CD163L1: variants seen among roughly 807,000 people sequenced by gnomAD.
CD163L1 encodes the protein scavenger receptor cysteine-rich type 1 protein M160.
In CD163L1, 124 loss-of-function variants were observed where a neutral mutation model predicts 165.4. The observed-to-expected ratio is 0.75, with a 90% CI of 0.65 to 0.87. The LOEUF (loss-of-function observed/expected upper bound fraction) is 0.87. CD163L1 is among the 40% of genes least tolerant of loss of function. The probability of loss-of-function intolerance (pLI) is 0.00; values close to 1 mark genes in which losing one functional copy is unlikely to be tolerated. For synonymous variants in CD163L1, 585 were observed against 662.2 expected, an observed-to-expected ratio of 0.88 and a Z score of 1.79; for missense variants, 1,525 against 1,799.9, an observed-to-expected ratio of 0.85 and a Z score of 2.76.
At chr12:7,394,109 A>C in intron 8 of CD163L1, among the ~76,000 whole-genome samples, 1 of 144,652 alleles carries the variant, frequency 6.9e-6, no homozygotes, top group East Asian at 2.0e-4. Context: ...ACAAAAACAA[A>C]AAAACAAAAA....
intron 4 of CD163L1, among the ~76,000 whole-genome samples, chr12:7,410,590 C>A (rs1157026311): frequency 6.9e-6 from 1 of 144,212 alleles, no homozygotes; most frequent in Non-Finnish European, 1.5e-5. Flanking sequence ...AGTGACAGAG[C>A]GAGAGTCCAT....
intron 4 of CD163L1, among the ~76,000 whole-genome samples, chr12:7,421,931 C>T (rs905174269): frequency 3.3e-5 from 5 of 151,884 alleles, no homozygotes; most frequent in African/African-American, 1.2e-4. Context: ...CCACAGTGCT[C>T]GAGCTCTGCT....
At chr12:7,361,349 G>A (rs554656463) in intron 18 of CD163L1, among the ~76,000 whole-genome samples, 2 of 152,014 alleles carry the variant, frequency 1.3e-5, no homozygotes, top group Non-Finnish European at 2.9e-5. Context: ...AAAATAAATG[G>A]GTTATCTCAC....
chr12:7,323,698 C>T, the CD163L1 span: 2 of 732,956 alleles, frequency 2.7e-6, no homozygotes, highest in East Asian at 2.7e-5. Context: ...TCATCTGTCA[C>T]CCAAGAGTAC....
intron 2 of CD163L1, chr12:7,438,925 T>C (rs1948776113): frequency 6.2e-7 from 1 of 1,604,344 alleles, no homozygotes; most frequent in Admixed American, 1.7e-5. Flanking sequence ...TAGGCACAGT[T>C]TTCTTCTCTA....
At chr12:7,439,945 A>T in intron 2 of CD163L1, 8 of 1,581,932 alleles carry the variant, frequency 5.1e-6, no homozygotes, top group Non-Finnish European at 6.9e-6. Flanking sequence ...GGCAGCTGAC[A>T]CAGGGGCTGC....
chr12:7,406,588 G>T lies in CD163L1; in HGVS notation c.1031C>A (p.Ser344Tyr). The part of the protein sequence containing the change: ...NESFLWDCRH[S>Y]GTVNFDCLHQ... ...AAGACAGTCAAAATTGACGGTTCCGGAATGTCTGCAGTCCCAAAGAAAAGA... is the reference window on the plus strand; with the variant it reads ...AAGACAGTCAAAATTGACGGTTCCGTAATGTCTGCAGTCCCAAAGAAAAGA... Residue 344 changes from serine to tyrosine, a missense_variant, in exon 5 of 20, where the codon TCC becomes TAC. Physicochemically the swap from Ser to Tyr is moderately radical, Grantham distance 144. Transcript: ENST00000313599. 6.2e-7 allele frequency: 1 copy of T among 1,614,034 alleles called. No homozygotes were observed. Among genetic ancestry groups the T allele is most frequent in the African/African-American group, 1.3e-5 (1 of 75,016 alleles).
the CD163L1 span, chr12:7,323,497 A>G: frequency 1.9e-6 from 3 of 1,613,934 alleles, no homozygotes; most frequent in Admixed American, 5.0e-5. Flanking sequence ...CACCTGGCAA[A>G]GAAGGGGAAA....
the CD163L1 span, among the ~76,000 whole-genome samples, chr12:7,339,428 CTG>C: frequency 1.3e-5 from 2 of 152,120 alleles, no homozygotes; most frequent in Non-Finnish European, 2.9e-5. Context: ...CTGCATAACA[CTG>C]TGCATAAGGA....
chr12:7,381,215 T>C (rs1353316940), intron 8 of CD163L1, among the ~76,000 whole-genome samples: 1 of 152,138 alleles, frequency 6.6e-6, no homozygotes, highest in Non-Finnish European at 1.5e-5. Context: ...TGTCAGAAAA[T>C]CAACTCTGAC....
chr12:7,340,839 C>G, the CD163L1 span, among the ~76,000 whole-genome samples: 1 of 152,208 alleles, frequency 6.6e-6, no homozygotes, highest in Non-Finnish European at 1.5e-5. Flanking sequence ...CTCTCTTATA[C>G]GTCAACTTCC....
Position 7,432,546 on chromosome 12 carries a change from A to G in CD163L1, c.636T>C (p.Ala212=), listed in dbSNP as rs1948647437. 2 of 1,614,120 alleles carry G rather than the reference A, an allele frequency of 1.2e-6. No homozygotes were observed. Among genetic ancestry groups the G allele is most frequent in the South Asian group, 1.1e-5 (1 of 91,092 alleles). The change falls in exon 4 of 20, where the codon GCT becomes GCC. Residue 212 remains alanine, a synonymous_variant. Transcript: ENST00000313599. This position sits in a 1 kb window ranked among gnomAD's most constrained non-coding sequence, Gnocchi z 4.2. ...CATCCAGCCAAATGGGGCGCAATAC[A>G]GCAGGGCTATTAACAACTCCAGAAG... The part of the protein sequence containing the change: ...FISSGVVNSP[A]VLRPIWLDDI...
Position 7,433,391 on chromosome 12 carries a change from A to G in CD163L1, c.428T>C (p.Val143Ala). The G allele has an allele frequency of 6.3e-7, 1 of 1,594,636 alleles. No individual in the cohort carries two copies. The highest frequency in any genetic ancestry group is 1.2e-5 in the South Asian group (1 of 85,926). Residue 143 changes from valine (V) to alanine (A), a missense_variant, in exon 3 of 20, where the codon GTT (valine) becomes GCT (alanine). Transcript: ENST00000313599. The stretch of plus-strand genomic sequence containing the variant: ...ACTCTTACCATAACAGTTCACACCA[A>G]CATCTTCTCCATGATAACAGTTATG... ...GSHNCYHGEDVGVNCYGEANL... is the reference protein window; with the variant it reads ...GSHNCYHGEDAGVNCYGEANL...
intron 2 of CD163L1, among the ~76,000 whole-genome samples, chr12:7,440,281 G>A (rs890056799): frequency 6.6e-6 from 1 of 151,796 alleles, no homozygotes; most frequent in African/African-American, 2.4e-5. Context: ...CCCTGCGACG[G>A]GGAGGGCGGA....
rs996787056 is a variant in CD163L1, at chr12:7,369,034, C to A, written c.4040-69G>T. ...GAACTGGGTATTTCTTTTTACATCT[C>A]CTGCGATTATCGGATGTCATTTAAA... On this transcript the variant is annotated intron_variant, in intron 15 of 19. Transcript: ENST00000313599. The surrounding 1 kb of genome is among the most constrained non-coding windows in gnomAD (Gnocchi z 4.9). 3 of 1,493,154 alleles carry A rather than the reference C, an allele frequency of 2.0e-6. No individual in the cohort carries two copies. The African/African-American group carries it at 4.1e-5, about 21-fold the overall frequency. The allele number at this position is 1,493,154 out of a possible 1,614,324, so 92.5% of individuals were successfully genotyped here.
chr12:7,428,463 C>T lies in CD163L1; in HGVS notation c.766+3953G>A, dbSNP rs142724557. On this transcript the variant is annotated intron_variant, in intron 4 of 19. Transcript: ENST00000313599. ...ATCAGTCATTGTGTCTAGTACACAA[C>T]AAGAAAAAGCCCTAGAAAAATCACC... is the stretch of plus-strand genomic sequence containing the variant. Among the ~76,000 whole-genome samples, 450 of 152,078 alleles carry T rather than the reference C, an allele frequency of 3.0e-3. 3 individuals are homozygous for T. The highest frequency in any genetic ancestry group is 0.011 in the African/African-American group (438 of 41,526).
the CD163L1 span, among the ~76,000 whole-genome samples, chr12:7,334,097 TC>T: frequency 6.7e-6 from 1 of 149,156 alleles, no homozygotes; most frequent in African/African-American, 2.5e-5. Context: ...CTGAAACTAT[TC>T]CAATCAATAG....
rs1686751227 is a variant in CD163L1 at position 7,398,013 on chromosome 12, G to A, written c.1729+251C>T. On this transcript the variant is annotated intron_variant, in intron 7 of 19. Transcript: ENST00000313599. The surrounding 1 kb of genome is among the most constrained non-coding windows in gnomAD (Gnocchi z 4.5). Reference sequence around the variant, plus strand: ...TGGCCTACACTTAATGAAGTTAAAAGGCCAAACTGCTTCTGTATATGGTAG... The same window carrying A: ...TGGCCTACACTTAATGAAGTTAAAAAGCCAAACTGCTTCTGTATATGGTAG... 6.6e-6 allele frequency among the ~76,000 whole-genome samples: 1 copy of A among 152,134 alleles called. No individual in the cohort carries two copies. The highest frequency in any genetic ancestry group is 2.4e-5 in the African/African-American group (1 of 41,420).
rs1706063316 is a variant in CD163L1 at position 7,394,741 on chromosome 12, T to G, written c.2050+1354A>C. On this transcript the variant is annotated intron_variant, in intron 8 of 19. Transcript: ENST00000313599. ...GAATCTACAAAGAACTTAAACAAAT[T>G]TACAAGAAAAAAACAAACAACCCCA... Among the ~76,000 whole-genome samples, 9 of 151,722 alleles carry G rather than the reference T, an allele frequency of 5.9e-5. No homozygotes were observed. In the South Asian group the frequency reaches 1.9e-3, roughly 32 times the overall value.
Sources: allele counts gnomAD v4.1 joint callset (sites outside exome capture counted in the v4.1 genomes callset), GRCh38; gene constraint gnomAD v4.1.1; non-coding constraint Gnocchi (gnomAD v3.1); transcripts MANE v1.5; gene names NCBI Gene and HGNC (gene_info 2026-07-23, HGNC 2026-07-21).